The following SLC16A10 variants were observed in gnomAD, a reference collection of about 807,000 sequenced individuals.
SLC16A10 encodes the protein monocarboxylate transporter 10.
Under a neutral mutation model 40.0 loss-of-function variants are expected in SLC16A10, and 27 were observed. The ratio of observed to expected loss-of-function variants is 0.67; its 90% confidence interval spans 0.50 to 0.93. The LOEUF is 0.93. Ranked by LOEUF, SLC16A10 falls within the 40% of genes least tolerant of loss-of-function variation. The pLI is 0.00. For synonymous variants in SLC16A10, 213 were observed against 249.8 expected (o/e 0.85, Z 1.39); for missense variants, 529 against 658.2 (o/e 0.80, Z 2.15).
intron 1 of SLC16A10, among the ~76,000 whole-genome samples, chr6:111,156,465 G>A (rs761988464): frequency 2.6e-5 from 4 of 152,226 alleles, no homozygotes; most frequent in Non-Finnish European, 4.4e-5. Context: ...ATAATGGGAT[G>A]AAATGGCACT....
At chr6:111,141,358 A>G (rs1289105620) in intron 1 of SLC16A10, among the ~76,000 whole-genome samples, 1 of 152,082 alleles carries the variant, frequency 6.6e-6, no homozygotes, top group Non-Finnish European at 1.5e-5. Flanking sequence ...AACAAGTGGA[A>G]TTTAAATTTA....
At chr6:111,203,926 TGACA>T (rs1017948955) in intron 3 of SLC16A10, among the ~76,000 whole-genome samples, 12 of 152,092 alleles carry the variant, frequency 7.9e-5, no homozygotes, top group African/African-American at 2.7e-4. Flanking sequence ...AATAGCCATT[TGACA>T]GACAGGTGTT....
chr6:111,128,657 C>T (rs754094532), intron 1 of SLC16A10, among the ~76,000 whole-genome samples: 4 of 152,044 alleles, frequency 2.6e-5, no homozygotes, highest in Admixed American at 6.6e-5. Context: ...GAGGAGAGAA[C>T]GAATACCTCT....
rs1770938115 is a variant in SLC16A10, at chr6:111,223,383, G to C, written c.*1148G>C. On this transcript the variant is annotated 3_prime_UTR_variant, in exon 6 of 6. Coordinates refer to ENST00000368851, the MANE Select transcript of SLC16A10 (RefSeq NM_018593.5). ...TTTATATACAGATTATCATAAGAAA[G>C]CTCTCAGTTTGAGGACCCAAAATAA... 1 of 151,812 alleles carries C rather than the reference G, an allele frequency of 6.6e-6. No individual in the cohort carries two copies. The highest frequency in any genetic ancestry group is 2.4e-5 in the African/African-American group (1 of 41,284). 9.4% of individuals were successfully genotyped at this position (151,812 alleles called of 1,614,324 possible). A position where few individuals can be genotyped will look rare whatever the true frequency, so the allele number is the denominator to read the frequency against.
chr6:111,119,151 C>T (rs1317094312), intron 1 of SLC16A10, among the ~76,000 whole-genome samples: 2 of 152,182 alleles, frequency 1.3e-5, no homozygotes, highest in Non-Finnish European at 2.9e-5. Flanking sequence ...CTCCTCAGAT[C>T]CTATTTGGAG....
intron 1 of SLC16A10, among the ~76,000 whole-genome samples, chr6:111,090,276 T>C (rs1770951267): frequency 6.6e-6 from 1 of 152,210 alleles, no homozygotes; most frequent in Non-Finnish European, 1.5e-5. Flanking sequence ...ATCTTTGTGT[T>C]TCTCTGCCTG....
intron 1 of SLC16A10, among the ~76,000 whole-genome samples, chr6:111,096,208 A>G (rs1337980564): frequency 2.0e-5 from 3 of 152,200 alleles, no homozygotes; most frequent in Non-Finnish European, 4.4e-5. Context: ...ATATTCTCTC[A>G]ATAGTGTCTC....
intron 1 of SLC16A10, among the ~76,000 whole-genome samples, chr6:111,159,067 CAAA>C (rs548809670): frequency 3.0e-4 from 7 of 23,394 alleles, no homozygotes; most frequent in African/African-American, 1.0e-3. Context: ...GACCCTGACT[CAAA>C]AAAAAAAAAA....
intron 1 of SLC16A10, among the ~76,000 whole-genome samples, chr6:111,098,952 A>C (rs1312251453): frequency 6.6e-6 from 1 of 152,132 alleles, no homozygotes; most frequent in Non-Finnish European, 1.5e-5. Context: ...AAATGTATGG[A>C]GTTTTAGTTG....
Position 111,226,734 on chromosome 6 carries a change from C to T in SLC16A10, c.*4499C>T, listed in dbSNP as rs930841974. ...TTTAATTAACTCTTAAAAAGACCAGCTTTTTGTCTTGTTATGAAAACAAAA... is the reference window on the plus strand; with the variant it reads ...TTTAATTAACTCTTAAAAAGACCAGTTTTTTGTCTTGTTATGAAAACAAAA... On this transcript the variant is annotated 3_prime_UTR_variant, in exon 6 of 6. Transcript: ENST00000368851. The T allele has an allele frequency of 1.3e-5, 2 of 152,170 alleles. No homozygotes were observed. Among genetic ancestry groups the T allele is most frequent in the East Asian group, 3.8e-4 (2 of 5,202 alleles). The allele number at this position is 152,170 out of a possible 1,614,324, so 9.4% of individuals were successfully genotyped here. A position where few individuals can be genotyped will look rare whatever the true frequency, so the allele number is the denominator to read the frequency against.
rs73765937 is a variant in SLC16A10 at position 111,212,953 on chromosome 6, G to A, written c.1087-5861G>A. ...TGGGACAGGAGAAGCTACGTGTGTC[G>A]TGGTATCTTTTTACTATTTTCTTAA... On this transcript the variant is annotated intron_variant, in intron 4 of 5. Coordinates refer to ENST00000368851, the MANE Select transcript of SLC16A10 (RefSeq NM_018593.5). Among the ~76,000 whole-genome samples the A allele has an allele frequency of 1.7e-3, 256 of 152,226 alleles. 3 individuals are homozygous for A. Among genetic ancestry groups the A allele is most frequent in the African/African-American group, 5.6e-3 (232 of 41,556 alleles).
chr6:111,177,239 T>C lies in SLC16A10; in HGVS notation c.516T>C (p.Tyr172=). 1 of 1,566,176 alleles carries C rather than the reference T, an allele frequency of 6.4e-7. No individual in the cohort carries two copies. The highest frequency in any genetic ancestry group is 8.6e-7 in the Non-Finnish European group (1 of 1,159,470). ...CCATCGAGCCTCTGTACCTTACCTA[T>C]GGAATCATATTTGCCTGCGGCTGCT... The part of the protein sequence containing the change: ...VSSIEPLYLT[Y]GIIFACGCSF... The change falls in exon 3 of 6, where the codon TAT becomes TAC. Residue 172 remains tyrosine, a synonymous_variant. Coordinates refer to ENST00000368851, the MANE Select transcript of SLC16A10 (RefSeq NM_018593.5).
At chr6:111,203,751 T>TAAATAAATAAATAAAAAAAA (rs1554261471) in intron 3 of SLC16A10, among the ~76,000 whole-genome samples, 28 of 147,774 alleles carry the variant, frequency 1.9e-4, no homozygotes, top group Middle Eastern at 3.5e-3. Flanking sequence ...AATAAATAAA[T>TAAATAAATAAATAAAAAAAA]AAAATAATGC....
At chr6:111,092,461 G>T (rs1174778902) in intron 1 of SLC16A10, among the ~76,000 whole-genome samples, 2 of 151,126 alleles carry the variant, frequency 1.3e-5, no homozygotes, top group Non-Finnish European at 2.9e-5. Flanking sequence ...GACTACCTGC[G>T]CTTGCCACCA....
At chr6:111,107,215 T>C (rs1248598217) in intron 1 of SLC16A10, among the ~76,000 whole-genome samples, 3 of 152,114 alleles carry the variant, frequency 2.0e-5, no homozygotes, top group Non-Finnish European at 4.4e-5. Context: ...TGAACCAAAA[T>C]CAACTTGTAC....
At chr6:111,177,132 TTATACTA>T in intron 2 of SLC16A10, 73 bp from the exon 3 acceptor site, 1 of 1,027,608 alleles carries the variant, frequency 9.7e-7, no homozygotes, top group Non-Finnish European at 1.3e-6. Context: ...AAAAACCCAC[TTATACTA>T]TAAGATTTTA....
intron 1 of SLC16A10, among the ~76,000 whole-genome samples, chr6:111,128,677 A>G (rs972820421): frequency 6.6e-6 from 1 of 152,172 alleles, no homozygotes; most frequent in African/African-American, 2.4e-5. Flanking sequence ...TGTATTCAAA[A>G]GAGAGTGTGT....
intron 1 of SLC16A10, among the ~76,000 whole-genome samples, chr6:111,155,562 C>A (rs1176262804): frequency 2.6e-5 from 4 of 152,240 alleles, no homozygotes; most frequent in African/African-American, 9.6e-5. Context: ...AAATTCATTT[C>A]TTCTTTTACT....
At chr6:111,119,203 T>C (rs1771541113) in intron 1 of SLC16A10, among the ~76,000 whole-genome samples, 1 of 152,214 alleles carries the variant, frequency 6.6e-6, no homozygotes, top group Non-Finnish European at 1.5e-5. Context: ...CTTTTTAAAG[T>C]TCATTACATA....
Sources: allele counts gnomAD v4.1 joint callset (sites outside exome capture counted in the v4.1 genomes callset), GRCh38; gene constraint gnomAD v4.1.1; transcripts MANE v1.5; gene names NCBI Gene and HGNC (gene_info 2026-07-23, HGNC 2026-07-21).